The following SUPT3H variants were observed in gnomAD, a reference collection of about 807,000 sequenced individuals.
SUPT3H encodes the protein transcription initiation protein SPT3 homolog.
A neutral mutation model predicts 44.3 loss-of-function variants in SUPT3H; 44 were observed. The observed-to-expected ratio is 0.99, with a 90% CI of 0.78 to 1.28. The LOEUF (loss-of-function observed/expected upper bound fraction) is 1.28. SUPT3H is among the 50% of genes most tolerant of loss of function. The probability of loss-of-function intolerance (pLI) is 0.00; values close to 1 mark genes in which losing one functional copy is unlikely to be tolerated. For synonymous variants in SUPT3H, 124 were observed against 125.6 expected, an observed-to-expected ratio of 0.99 and a Z score of 0.09; for missense variants, 380 against 387.1, an observed-to-expected ratio of 0.98 and a Z score of 0.15.
chr6:45,187,183 G>A (rs1378447443), intron 2 of SUPT3H, among the ~76,000 whole-genome samples: 1 of 150,900 alleles, frequency 6.6e-6, no homozygotes, highest in Non-Finnish European at 1.5e-5. Flanking sequence ...GGGAGGCGGA[G>A]GCAGGTGGAT....
intron 2 of SUPT3H, among the ~76,000 whole-genome samples, chr6:45,219,996 G>A (rs1584330141): frequency 1.6e-5 from 2 of 121,468 alleles, no homozygotes; most frequent in East Asian, 5.3e-4. Flanking sequence ...CCGAGACCAT[G>A]CCATTGCACT....
At chr6:45,165,813 A>T (rs1809750754) in intron 2 of SUPT3H, among the ~76,000 whole-genome samples, 1 of 152,228 alleles carries the variant, frequency 6.6e-6, no homozygotes, top group Non-Finnish European at 1.5e-5. Context: ...CAAAGGGGAA[A>T]AAAAAGACTG....
At chr6:44,967,555 C>T (rs1486473655) in intron 6 of SUPT3H, among the ~76,000 whole-genome samples, 4 of 152,110 alleles carry the variant, frequency 2.6e-5, no homozygotes, top group Non-Finnish European at 5.9e-5. Flanking sequence ...CATCATTTGC[C>T]CTGTCTATAC....
At chr6:44,942,276 A>G (rs1036483206) in intron 9 of SUPT3H, among the ~76,000 whole-genome samples, 1 of 151,996 alleles carries the variant, frequency 6.6e-6, no homozygotes, top group Admixed American at 6.6e-5. Flanking sequence ...TGAAATTCTT[A>G]CAAACTTTGA....
intron 3 of SUPT3H, among the ~76,000 whole-genome samples, chr6:45,068,889 A>G (rs2153550192): frequency 6.6e-6 from 1 of 152,134 alleles, no homozygotes; most frequent in Non-Finnish European, 1.5e-5. Context: ...TGTTCGTTCC[A>G]TTGATGTCAC....
chr6:44,888,249 T>G (rs1762661378), intron 10 of SUPT3H, among the ~76,000 whole-genome samples: 1 of 152,162 alleles, frequency 6.6e-6, no homozygotes, highest in South Asian at 2.1e-4. Context: ...GAGGGAATCC[T>G]CCCTGACTCA....
intron 11 of SUPT3H, among the ~76,000 whole-genome samples, chr6:44,814,990 A>T (rs899534550): frequency 1.6e-4 from 25 of 152,098 alleles, no homozygotes; most frequent in African/African-American, 5.8e-4. Context: ...AATTTTTTTC[A>T]TAACAGAAAT....
At chr6:45,060,579 C>T (rs1791835291) in intron 3 of SUPT3H, among the ~76,000 whole-genome samples, 1 of 151,764 alleles carries the variant, frequency 6.6e-6, no homozygotes, top group South Asian at 2.1e-4. Flanking sequence ...CAACAAAAGC[C>T]AAAATTGACA....
At chr6:45,370,013 A>AC (rs1795792730) in intron 1 of SUPT3H, among the ~76,000 whole-genome samples, 1 of 152,200 alleles carries the variant, frequency 6.6e-6, no homozygotes, top group Non-Finnish European at 1.5e-5. Flanking sequence ...ACAGGAGTTT[A>AC]CATTTCACTT....
intron 2 of SUPT3H, among the ~76,000 whole-genome samples, chr6:45,206,544 TA>T (rs574739956): frequency 9.4e-5 from 14 of 148,522 alleles, no homozygotes; most frequent in South Asian, 2.1e-4. Flanking sequence ...ATTATAAAAG[TA>T]AAAAAAAAAT....
At chr6:45,002,105 A>C (rs1782083504) in intron 6 of SUPT3H, among the ~76,000 whole-genome samples, 2 of 152,062 alleles carry the variant, frequency 1.3e-5, no homozygotes, top group African/African-American at 4.8e-5. Flanking sequence ...TTTTCACTGT[A>C]ACTAGTTTTA....
chr6:45,045,591 A>T (rs573581615), intron 3 of SUPT3H, among the ~76,000 whole-genome samples: 1 of 152,332 alleles, frequency 6.6e-6, no homozygotes, highest in South Asian at 2.1e-4. Flanking sequence ...TGTCATCTGC[A>T]AACAGAGACA....
intron 10 of SUPT3H, among the ~76,000 whole-genome samples, chr6:44,881,531 A>C (rs1191882240): frequency 6.6e-6 from 1 of 152,202 alleles, no homozygotes; most frequent in East Asian, 1.9e-4. Flanking sequence ...CTCTGGACCA[A>C]GTGGACCTAA....
chr6:45,137,480 GTA>G (rs558219633), intron 2 of SUPT3H, among the ~76,000 whole-genome samples: 12 of 151,858 alleles, frequency 7.9e-5, no homozygotes, highest in Non-Finnish European at 1.8e-4. Flanking sequence ...ATATGTCTAT[GTA>G]TACCAACATA....
intron 2 of SUPT3H, among the ~76,000 whole-genome samples, chr6:45,283,483 CAAAG>C (rs1452322716): frequency 3.3e-5 from 5 of 151,944 alleles, no homozygotes; most frequent in Admixed American, 6.6e-5. Context: ...TCAAAAGAGA[CAAAG>C]AAGGCCATTA....
intron 2 of SUPT3H, among the ~76,000 whole-genome samples, chr6:45,285,657 G>A (rs1350570019): frequency 1.3e-5 from 2 of 152,062 alleles, no homozygotes; most frequent in Non-Finnish European, 2.9e-5. Flanking sequence ...TCGTGAAAAT[G>A]GCCATACTGC....
intron 10 of SUPT3H, among the ~76,000 whole-genome samples, chr6:44,839,884 T>TA (rs1770648620): frequency 6.6e-6 from 1 of 152,124 alleles, no homozygotes; most frequent in Non-Finnish European, 1.5e-5. Flanking sequence ...GTATTTTTAG[T>TA]AGAGATGGGG....
chr6:45,235,536 T>C (rs923545295), intron 2 of SUPT3H, among the ~76,000 whole-genome samples: 4 of 152,066 alleles, frequency 2.6e-5, no homozygotes, highest in African/African-American at 7.2e-5. Context: ...GAGACCTAAA[T>C]TGTACCCAGT....
chr6:45,346,205 C>T (rs1790821540), intron 2 of SUPT3H, among the ~76,000 whole-genome samples: 1 of 152,014 alleles, frequency 6.6e-6, no homozygotes, highest in African/African-American at 2.4e-5. Flanking sequence ...AAGATTCTCA[C>T]TCTACTTATG....
Sources: gnomAD v4.1 joint callset for allele counts (sites outside exome capture counted in the v4.1 genomes callset) on GRCh38, gnomAD v4.1.1 for gene constraint, MANE v1.5 for transcripts, NCBI Gene and HGNC (gene_info 2026-07-23, HGNC 2026-07-21) for gene names.